NOMO3: variants seen among roughly 807,000 people sequenced by gnomAD.
The protein encoded by NOMO3 is BOS complex subunit NOMO3.
NOMO3 carries 15 observed loss-of-function variants against 69.9 expected under a neutral mutation model. The ratio of observed to expected loss-of-function variants is 0.21; its 90% CI spans 0.14 to 0.33. The LOEUF (loss-of-function observed/expected upper bound fraction) is 0.33. Among genes scored for constraint, NOMO3 ranks in the 10% least tolerant of loss-of-function variants. NOMO3 has a pLI of 1.00. For synonymous variants in NOMO3, 89 were observed against 301.9 expected, an observed-to-expected ratio of 0.29 and a Z score of 7.31; for missense variants, 218 against 761.0, an observed-to-expected ratio of 0.29 and a Z score of 8.39.
At chr16:16,268,927 C>T (rs2049640907) in intron 16 of NOMO3, among the ~76,000 whole-genome samples, 1 of 142,032 alleles carries the variant, frequency 7.0e-6, no homozygotes, top group South Asian at 2.2e-4. Context: ...CAGAACCGTG[C>T]CACATGGTTA....
intron 11 of NOMO3, among the ~76,000 whole-genome samples, chr16:16,257,784 T>A (rs2049524094): frequency 1.4e-5 from 2 of 144,070 alleles, no homozygotes; most frequent in South Asian, 2.2e-4. Flanking sequence ...CCACAGTGAC[T>A]CTTTTCTGTA....
intron 11 of NOMO3, among the ~76,000 whole-genome samples, chr16:16,258,780 G>T (rs1393676164): frequency 7.0e-6 from 1 of 142,234 alleles, no homozygotes; most frequent in Non-Finnish European, 1.5e-5. Flanking sequence ...CAGGAGAATC[G>T]CTTGAACCCG....
At chr16:16,235,484 A>T (rs1429710865) in intron 1 of NOMO3, among the ~76,000 whole-genome samples, 1 of 148,608 alleles carries the variant, frequency 6.7e-6, no homozygotes, top group Non-Finnish European at 1.5e-5. Context: ...GATATTAAAT[A>T]GTGATACAAA....
Position 16,263,417 on chromosome 16 carries a change from A to G in NOMO3, c.1538-96A>G. 3 of 1,401,482 alleles carry G rather than the reference A, an allele frequency of 2.1e-6. No homozygotes were observed. In the Admixed American group the frequency reaches 6.8e-5, roughly 32 times the overall value. The allele number at this position is 1,401,482 out of a possible 1,614,324, so 86.8% of individuals were successfully genotyped here. ...TCCGGCCACTGCCTCTTAGGAGCTC[A>G]GCAGTAGCAAGAAGCTATTACATAG... is the stretch of plus-strand genomic sequence containing the variant. On this transcript the variant is annotated intron_variant, in intron 13 of 30. Coordinates refer to ENST00000399336, the MANE Select transcript of NOMO3 (RefSeq NM_001004067.4).
At chr16:16,235,502 T>C (rs1178241130) in intron 1 of NOMO3, among the ~76,000 whole-genome samples, 1 of 148,232 alleles carries the variant, frequency 6.7e-6, no homozygotes. Context: ...AAACTGCTTT[T>C]TCCATTTTAC....
rs565619280 is a variant in NOMO3 at position 16,270,312 on chromosome 16, G to A, written c.1958+128G>A. 4.8e-4 allele frequency: 697 copies of A among 1,448,280 alleles called. 17 individuals are homozygous for A. Among genetic ancestry groups the A allele is most frequent in the Non-Finnish European group, 5.9e-4 (643 of 1,080,674 alleles). 89.7% of individuals were successfully genotyped at this position (1,448,280 alleles called of 1,614,324 possible). A position where few individuals can be genotyped will look rare whatever the true frequency, so the allele number is the denominator to read the frequency against. On this transcript the variant is annotated intron_variant, in intron 17 of 30. Coordinates refer to ENST00000399336, the MANE Select transcript of NOMO3 (RefSeq NM_001004067.4). ...AAGAGGCAAGGTTAGGCCTTCAACA[G>A]CATTTCTAGATAAGGATTTTAAGAC...
At position 16,263,556 on chromosome 16, in the gene NOMO3, C is replaced by A; in HGVS notation, c.1581C>A (p.Arg527=). 3 of 1,077,416 alleles carry A rather than the reference C, an allele frequency of 2.8e-6. No individual in the cohort carries two copies. The highest frequency in any genetic ancestry group is 3.8e-6 in the Non-Finnish European group (3 of 788,620). 66.7% of individuals were successfully genotyped at this position (1,077,416 alleles called of 1,614,324 possible). ...DLLVTLQSLS[R]QGEKRSLQLS... ...TGGTGACTCTACAGTCCCTGAGCCG[C>A]CAGGGTGAGAAGCGGAGCCTCCAGC... The change falls in exon 14 of 31, where the codon CGC becomes CGA. Residue 527 remains arginine (R), a synonymous_variant. Transcript: ENST00000399336.
chr16:16,266,610 G>T, intron 15 of NOMO3: 5 of 383,128 alleles, frequency 1.3e-5, no homozygotes, highest in Non-Finnish European at 2.4e-5. Context: ...CAGCCCTATT[G>T]TTCAGGAGAG....
At chr16:16,259,033 G>A (rs1381645960) in intron 11 of NOMO3, among the ~76,000 whole-genome samples, 2 of 142,372 alleles carry the variant, frequency 1.4e-5, no homozygotes, top group Non-Finnish European at 3.0e-5. Context: ...GAGGAGATAT[G>A]GTAGTGGCTG....
At chr16:16,262,815 C>T (rs990019841) in intron 12 of NOMO3, among the ~76,000 whole-genome samples, 2 of 141,004 alleles carry the variant, frequency 1.4e-5, no homozygotes, top group Non-Finnish European at 1.5e-5. Flanking sequence ...GCGTTGCGGG[C>T]CTGTGGGGAA....
intron 15 of NOMO3, 92 bp downstream of exon 15, chr16:16,265,271 G>A (rs1190464261): frequency 3.8e-6 from 6 of 1,585,374 alleles, no homozygotes; most frequent in Non-Finnish European, 4.3e-6. Flanking sequence ...TGTAAACGTA[G>A]GCAAGTCAGA....
chr16:16,274,302 A>ATGGATGGATGGATGGATGGATGGATGG (rs1567568577), intron 20 of NOMO3, among the ~76,000 whole-genome samples: 1 of 32,392 alleles, frequency 3.1e-5, no homozygotes, highest in Non-Finnish European at 8.5e-5. Flanking sequence ...TGGATGGATG[A>ATGGATGGATGGATGGATGGATGGATGG]ATGAATGATT....
chr16:16,263,622 C>T lies in NOMO3; in HGVS notation c.1647C>T (p.Asn549=), dbSNP rs1343081464. The change falls in exon 14 of 31, where the codon AAC becomes AAT. Residue 549 remains asparagine (N), a synonymous_variant. Coordinates refer to ENST00000399336, the MANE Select transcript of NOMO3 (RefSeq NM_001004067.4). ...ACGCCATGACTTTCACCTTTGACAA[C>T]GTGCTCCCTGGAAAATACAAAAGTA... The part of the protein sequence containing the change: ...KVNAMTFTFD[N]VLPGKYKISI... 13 of 663,586 alleles carry T rather than the reference C, an allele frequency of 2.0e-5. No individual in the cohort carries two copies. The highest frequency in any genetic ancestry group is 6.3e-5 in the African/African-American group (2 of 31,996). 41.1% of individuals were successfully genotyped at this position (663,586 alleles called of 1,614,324 possible).
Position 16,265,194 on chromosome 16 carries a change from T to C in NOMO3, c.1806+15T>C, listed in dbSNP as rs748173351. 1.9e-6 allele frequency: 3 copies of C among 1,588,216 alleles called. No homozygotes were observed. The highest frequency in any genetic ancestry group is 1.1e-5 in the South Asian group (1 of 89,380). Reference sequence around the variant, plus strand: ...CCATCACTCTGGTATGTACGGCTTATGGAGTCTCTTATTTGGAAAAGCGCT... The same window carrying C: ...CCATCACTCTGGTATGTACGGCTTACGGAGTCTCTTATTTGGAAAAGCGCT... On this transcript the variant is annotated intron_variant, in intron 15 of 30. Coordinates refer to ENST00000399336, the MANE Select transcript of NOMO3 (RefSeq NM_001004067.4).
At chr16:16,261,223 G>A (rs1205104400) in intron 11 of NOMO3, 20 of 449,788 alleles carry the variant, frequency 4.4e-5, no homozygotes, top group Non-Finnish European at 7.3e-5. Flanking sequence ...CTGCAGTGGG[G>A]GATTGCCAGA....
chr16:16,265,294 C>A, intron 15 of NOMO3, 115 bp downstream of exon 15: 5 of 1,573,686 alleles, frequency 3.2e-6, no homozygotes, highest in Non-Finnish European at 4.3e-6. Flanking sequence ...TCCTTTTCTG[C>A]CTCTGCACTC....
intron 11 of NOMO3, among the ~76,000 whole-genome samples, chr16:16,259,437 C>G (rs1347260552): frequency 7.1e-6 from 1 of 139,952 alleles, no homozygotes; most frequent in Non-Finnish European, 1.5e-5. Context: ...CAGCCTCCGC[C>G]TCTCGGGTTC....
At chr16:16,265,672 T>TA (rs2049612073) in intron 15 of NOMO3, among the ~76,000 whole-genome samples, 7 of 27,620 alleles carry the variant, frequency 2.5e-4, no homozygotes, top group African/African-American at 8.1e-4. Context: ...ATATATATAT[T>TA]TTTTTTTTTT....
rs1235047794 is a variant in NOMO3, at chr16:16,256,037, C to G, written c.1099C>G (p.Leu367Val). The G allele has an allele frequency of 6.3e-7, 1 of 1,582,252 alleles. No homozygotes were observed. Among genetic ancestry groups the G allele is most frequent in the Non-Finnish European group, 8.5e-7 (1 of 1,174,070 alleles). ...AACAAAAGCTGATGGCTCATTCCGC[C>G]TTGAGAACATAACCACAGGGACATA... ...VKTKADGSFRLENITTGTYTI... is the reference protein window; with the variant it reads ...VKTKADGSFRVENITTGTYTI... The change falls in exon 11 of 31, where the codon CTT (leucine) becomes GTT (valine). Residue 367 changes from leucine (L) to valine (V), a missense_variant. Leu to Val is a conservative substitution (Grantham distance 32). Coordinates refer to ENST00000399336, the MANE Select transcript of NOMO3 (RefSeq NM_001004067.4).
Sources: allele counts gnomAD v4.1 joint callset (sites outside exome capture counted in the v4.1 genomes callset), GRCh38; gene constraint gnomAD v4.1.1; transcripts MANE v1.5; gene names NCBI Gene and HGNC (gene_info 2026-07-23, HGNC 2026-07-21).